GULP1: variants seen among roughly 807,000 people sequenced by gnomAD.
GULP1 encodes the protein GULP PTB domain containing engulfment adaptor 1.
A neutral mutation model predicts 40.9 loss-of-function variants in GULP1; 19 were observed. The ratio of observed to expected loss-of-function variants is 0.46; its 90% CI spans 0.32 to 0.68. GULP1 has a LOEUF of 0.68. GULP1 is among the 30% of genes least tolerant of loss of function. GULP1 has a pLI of 0.03. For missense variants in GULP1, 312 were observed against 362.2 expected (o/e 0.86, Z 1.12); for synonymous variants, 119 against 117.6 (o/e 1.01, Z -0.08).
chr2:188,395,459 G>C (rs773629293), intron 2 of GULP1, among the ~76,000 whole-genome samples: 28 of 152,146 alleles, frequency 1.8e-4, no homozygotes, highest in Non-Finnish European at 3.8e-4. Context: ...CTGCAGTGCT[G>C]GACAAGGGGC....
chr2:188,458,091 A>G (rs1355733407), intron 2 of GULP1, among the ~76,000 whole-genome samples: 2 of 152,078 alleles, frequency 1.3e-5, no homozygotes, highest in Non-Finnish European at 2.9e-5. Flanking sequence ...GAAATTCTAC[A>G]CTTTCCCATC....
chr2:188,403,698 C>T (rs2052640784), intron 2 of GULP1, among the ~76,000 whole-genome samples: 1 of 152,144 alleles, frequency 6.6e-6, no homozygotes, highest in African/African-American at 2.4e-5. Flanking sequence ...GGAGGACTGT[C>T]AACCAAAAGG....
chr2:188,355,672 G>A (rs1559144020), intron 1 of GULP1, among the ~76,000 whole-genome samples: 3 of 152,082 alleles, frequency 2.0e-5, no homozygotes, highest in Middle Eastern at 3.4e-3. Flanking sequence ...CTGTTTCCGT[G>A]AGGCCAGTAT....
intron 1 of GULP1, among the ~76,000 whole-genome samples, chr2:188,366,528 C>G (rs2046809778): frequency 6.6e-6 from 1 of 150,798 alleles, no homozygotes; most frequent in African/African-American, 2.4e-5. Flanking sequence ...GCATGTCTGT[C>G]TATCTACAAT....
In GULP1 at chr2:188,595,477, T is replaced by C. The variant is rs1458692668; in HGVS notation, c.*1466T>C. The C allele has an allele frequency of 6.6e-6, 1 of 152,188 alleles. No homozygotes were observed. The highest frequency in any genetic ancestry group is 1.5e-5 in the Non-Finnish European group (1 of 67,752). The allele number at this position is 152,188 out of a possible 1,614,324, so 9.4% of individuals were successfully genotyped here. ...TATGAGCCTTCTTGTTTAGTTTCTTTTATCTGCTAAGTTGTACCTTAATTA... is the reference window on the plus strand; with the variant it reads ...TATGAGCCTTCTTGTTTAGTTTCTTCTATCTGCTAAGTTGTACCTTAATTA... On this transcript the variant is annotated 3_prime_UTR_variant, in exon 12 of 12. Transcript: ENST00000409830.
At chr2:188,372,859 G>A (rs1440439356) in intron 1 of GULP1, among the ~76,000 whole-genome samples, 1 of 151,858 alleles carries the variant, frequency 6.6e-6, no homozygotes, top group Non-Finnish European at 1.5e-5. Flanking sequence ...CTATCTTCAG[G>A]TATCACAGAG....
chr2:188,525,617 A>G (rs2153229849), intron 5 of GULP1, among the ~76,000 whole-genome samples: 1 of 152,314 alleles, frequency 6.6e-6, no homozygotes, highest in Middle Eastern at 3.4e-3. Flanking sequence ...GTATTGATAT[A>G]TAGATTAAAA....
chr2:188,312,600 T>C (rs1559098676), intron 1 of GULP1, among the ~76,000 whole-genome samples: 1 of 152,234 alleles, frequency 6.6e-6, no homozygotes, highest in Admixed American at 6.5e-5. Context: ...AGTGCTGCAA[T>C]AAACATATGT....
intron 7 of GULP1, among the ~76,000 whole-genome samples, chr2:188,565,894 CTTTAA>C (rs1559385355): frequency 6.6e-6 from 1 of 151,952 alleles, no homozygotes; most frequent in African/African-American, 2.4e-5. Context: ...AACTCAGAAA[CTTTAA>C]TTTAGTAGAA....
At chr2:188,325,541 A>G (rs775491548) in intron 1 of GULP1, among the ~76,000 whole-genome samples, 39 of 152,146 alleles carry the variant, frequency 2.6e-4, no homozygotes, top group Non-Finnish European at 2.5e-4. Flanking sequence ...CATTCTGGTG[A>G]ATTTACTTTT....
intron 6 of GULP1, among the ~76,000 whole-genome samples, chr2:188,530,265 C>T (rs1480745262): frequency 6.6e-6 from 1 of 152,160 alleles, no homozygotes; most frequent in African/African-American, 2.4e-5. Context: ...TTCTGAGGTG[C>T]TGGGGATTAG....
chr2:188,532,379 A>T (rs1687776385), intron 6 of GULP1, among the ~76,000 whole-genome samples: 2 of 152,302 alleles, frequency 1.3e-5, no homozygotes, highest in South Asian at 4.1e-4. Context: ...AATGCATAAA[A>T]TGCTAATTGC....
At chr2:188,322,489 AGTTTATAACGTG>A (rs1325989472) in intron 1 of GULP1, among the ~76,000 whole-genome samples, 1 of 152,166 alleles carries the variant, frequency 6.6e-6, no homozygotes, top group Non-Finnish European at 1.5e-5. Context: ...GCATTAAAAT[AGTTTATAACGTG>A]GCTGGATATA....
chr2:188,574,571 C>G (rs1386105664), intron 9 of GULP1, among the ~76,000 whole-genome samples: 1 of 152,042 alleles, frequency 6.6e-6, no homozygotes, highest in Admixed American at 6.6e-5. Flanking sequence ...CTATGGTAAG[C>G]CTGGGAGGTC....
chr2:188,340,764 T>C (rs2042859472), intron 1 of GULP1, among the ~76,000 whole-genome samples: 1 of 151,598 alleles, frequency 6.6e-6, no homozygotes, highest in African/African-American at 2.4e-5. Context: ...AATTGAAGGG[T>C]GGTGAATGCA....
chr2:188,525,295 G>T (rs553265880), intron 5 of GULP1, among the ~76,000 whole-genome samples: 1 of 152,154 alleles, frequency 6.6e-6, no homozygotes, highest in African/African-American at 2.4e-5. Flanking sequence ...GGAGGCTGAG[G>T]CAGGAGAATC....
At chr2:188,326,248 TA>T in intron 1 of GULP1, among the ~76,000 whole-genome samples, 1 of 152,256 alleles carries the variant, frequency 6.6e-6, no homozygotes, top group East Asian at 1.9e-4. Flanking sequence ...ACTATCTGTG[TA>T]AGCTTTAAGA....
intron 1 of GULP1, among the ~76,000 whole-genome samples, chr2:188,350,484 A>G (rs1237810336): frequency 6.6e-6 from 1 of 151,876 alleles, no homozygotes; most frequent in Non-Finnish European, 1.5e-5. Context: ...TTTATTTTCA[A>G]ATTGTTAACT....
rs1353579912 is a variant in GULP1, at chr2:188,350,472, A to T, written c.-171-33291A>T. On this transcript the variant is annotated intron_variant, in intron 1 of 11. Transcript: ENST00000409830. ...TATTATAAATGGAATGGTTTCCTTA[A>T]TTTTATTTTCAAATTGTTAACTGCC... Among the ~76,000 whole-genome samples, 5 of 151,978 alleles carry T rather than the reference A, an allele frequency of 3.3e-5. No individual in the cohort carries two copies. In the East Asian group the frequency reaches 7.7e-4, roughly 23 times the overall value.
Sources: gnomAD v4.1 joint callset for allele counts (sites outside exome capture counted in the v4.1 genomes callset) on GRCh38, gnomAD v4.1.1 for gene constraint, MANE v1.5 for transcripts, NCBI Gene and HGNC (gene_info 2026-07-23, HGNC 2026-07-21) for gene names.